GRM8: variants seen among roughly 807,000 people sequenced by gnomAD.
GRM8 encodes the protein metabotropic glutamate receptor 8.
A neutral mutation model predicts 87.2 loss-of-function variants in GRM8; 47 were observed. That is an observed-to-expected ratio of 0.54 (90% CI 0.43 to 0.69). The LOEUF (loss-of-function observed/expected upper bound fraction) is 0.69, where lower values mean the gene tolerates loss of function less well. Ranked by LOEUF, GRM8 falls within the 30% of genes least tolerant of loss-of-function variation. The probability of loss-of-function intolerance (pLI) is 0.00; values close to 1 mark genes in which losing one functional copy is unlikely to be tolerated. For missense variants in GRM8, 1,019 were observed against 1,139.2 expected (o/e 0.89, Z 1.52); for synonymous variants, 396 against 404.5 (o/e 0.98, Z 0.25).
At chr7:126,520,487 G>A (rs1218755184) in intron 9 of GRM8, among the ~76,000 whole-genome samples, 1 of 152,074 alleles carries the variant, frequency 6.6e-6, no homozygotes, top group East Asian at 1.9e-4. Flanking sequence ...AGGAAAGCAC[G>A]AATGCAGCTT....
chr7:126,859,674 G>T, intron 6 of GRM8, among the ~76,000 whole-genome samples: 1 of 152,248 alleles, frequency 6.6e-6, no homozygotes, highest in Admixed American at 6.5e-5. Flanking sequence ...ATGCATATAC[G>T]TAAAGATAAT....
chr7:126,677,632 T>C (rs1807121872), intron 7 of GRM8, among the ~76,000 whole-genome samples: 1 of 152,144 alleles, frequency 6.6e-6, no homozygotes, highest in African/African-American at 2.4e-5. Context: ...TATTTATAAA[T>C]AGGAGCTAAG....
chr7:126,980,260 A>G (rs1482397446), intron 3 of GRM8, among the ~76,000 whole-genome samples: 3 of 148,280 alleles, frequency 2.0e-5, no homozygotes, highest in Non-Finnish European at 3.0e-5. Context: ...ACCTACTCTC[A>G]TGGAGCTTAC....
At chr7:126,510,293 C>CAAA (rs3038818) in intron 9 of GRM8, among the ~76,000 whole-genome samples, 6 of 130,008 alleles carry the variant, frequency 4.6e-5, no homozygotes, top group Admixed American at 7.8e-5. Context: ...TAGGTTTTAG[C>CAAA]AAAAAAAAAA....
intron 9 of GRM8, among the ~76,000 whole-genome samples, chr7:126,475,480 T>C (rs6956988): frequency 0.39 from 59,854 of 151,846 alleles, 11,908 homozygotes; most frequent in Middle Eastern, 0.51. Flanking sequence ...ACAAAAAAGT[T>C]GAAAGAGAGT....
intron 2 of GRM8, among the ~76,000 whole-genome samples, chr7:127,209,695 C>T (rs967375911): frequency 6.6e-6 from 1 of 152,144 alleles, no homozygotes; most frequent in Non-Finnish European, 1.5e-5. Flanking sequence ...TCTGGCCCTC[C>T]CCAGCTAGCC....
chr7:126,653,317 G>A (rs66663003), intron 7 of GRM8, among the ~76,000 whole-genome samples: 39,130 of 122,028 alleles, frequency 0.32, 7,043 homozygotes, highest in South Asian at 0.44. Flanking sequence ...AAAAAAAAAA[G>A]GCAAGGAGAG....
intron 7 of GRM8, among the ~76,000 whole-genome samples, chr7:126,701,362 A>G (rs939700845): frequency 2.6e-5 from 4 of 152,166 alleles, no homozygotes; most frequent in African/African-American, 7.2e-5. Context: ...CAATGATTAT[A>G]TATGTTAAAA....
chr7:127,074,127 G>T (rs944453759), intron 3 of GRM8, among the ~76,000 whole-genome samples: 1 of 152,200 alleles, frequency 6.6e-6, no homozygotes, highest in Non-Finnish European at 1.5e-5. Flanking sequence ...CAATACAATA[G>T]TATCCTGAAT....
At chr7:126,806,379 T>A (rs987610633) in intron 6 of GRM8, among the ~76,000 whole-genome samples, 1 of 151,880 alleles carries the variant, frequency 6.6e-6, no homozygotes, top group Non-Finnish European at 1.5e-5. Context: ...GGACACAGAG[T>A]GAGCAGCAGG....
chr7:127,007,840 G>A (rs1350174487), intron 3 of GRM8, among the ~76,000 whole-genome samples: 1 of 151,934 alleles, frequency 6.6e-6, no homozygotes, highest in Non-Finnish European at 1.5e-5. Context: ...TTGTAACAGA[G>A]CTCCTGTTAA....
intron 3 of GRM8, among the ~76,000 whole-genome samples, chr7:126,907,906 A>C (rs1424676028): frequency 1.3e-5 from 2 of 152,174 alleles, no homozygotes; most frequent in African/African-American, 4.8e-5. Flanking sequence ...TCTGAGTTAG[A>C]ATCAATGGGG....
At position 126,685,966 on chromosome 7, in the gene GRM8, C is replaced by T. The variant is rs1436174207; in HGVS notation, c.1358-76468G>A. 6.6e-6 allele frequency among the ~76,000 whole-genome samples: 1 copy of T among 151,816 alleles called. No homozygotes were observed. The highest frequency in any genetic ancestry group is 2.4e-5 in the African/African-American group (1 of 41,328). On this transcript the variant is annotated intron_variant, in intron 7 of 10. Transcript: ENST00000339582. This position sits in a 1 kb window ranked among gnomAD's most constrained non-coding sequence, Gnocchi z 4.2. ...CCCATGGACTGATCAACATGCACTT[C>T]CTCCCCTCTGAGGCCCATAAAAACC... is the stretch of plus-strand genomic sequence containing the variant.
chr7:126,787,694 GTT>G (rs2151659966), intron 6 of GRM8, among the ~76,000 whole-genome samples: 1 of 151,928 alleles, frequency 6.6e-6, no homozygotes, highest in African/African-American at 2.4e-5. Context: ...TTGCTGTTAT[GTT>G]TCTGTTCTTT....
chr7:126,763,265 G>A (rs1359581683), intron 7 of GRM8, among the ~76,000 whole-genome samples: 6 of 150,670 alleles, frequency 4.0e-5, no homozygotes, highest in African/African-American at 7.3e-5. Context: ...ATAAACCTTC[G>A]CCTACATTTT....
At chr7:126,781,454 A>G (rs1432920544) in intron 6 of GRM8, among the ~76,000 whole-genome samples, 2 of 152,206 alleles carry the variant, frequency 1.3e-5, no homozygotes, top group Admixed American at 6.5e-5. Flanking sequence ...ACTGACTTCA[A>G]TCATTCTATT....
chr7:127,201,890 T>C (rs1317121329), intron 2 of GRM8, among the ~76,000 whole-genome samples: 1 of 152,196 alleles, frequency 6.6e-6, no homozygotes, highest in African/African-American at 2.4e-5. Flanking sequence ...AAATGTGGGC[T>C]TGAATATGCT....
At chr7:126,666,692 A>G (rs1003788766) in intron 7 of GRM8, among the ~76,000 whole-genome samples, 3 of 152,184 alleles carry the variant, frequency 2.0e-5, no homozygotes, top group Non-Finnish European at 4.4e-5. Flanking sequence ...TGATTTAAAA[A>G]AAAAAGAATA....
intron 3 of GRM8, among the ~76,000 whole-genome samples, chr7:126,920,598 T>C (rs1194418970): frequency 6.6e-6 from 1 of 151,978 alleles, no homozygotes; most frequent in Non-Finnish European, 1.5e-5. Context: ...GAAGGTGGGG[T>C]TGAAAATGGA....
Sources: gnomAD v4.1 joint callset for allele counts (sites outside exome capture counted in the v4.1 genomes callset) on GRCh38, gnomAD v4.1.1 for gene constraint, Gnocchi (gnomAD v3.1) non-coding constraint, MANE v1.5 for transcripts, NCBI Gene and HGNC (gene_info 2026-07-23, HGNC 2026-07-21) for gene names.